ATP6V1H: variants seen among roughly 807,000 people sequenced by gnomAD.
ATP6V1H encodes the protein ATPase H+ transporting V1 subunit H.
In ATP6V1H, 39 loss-of-function variants were observed where a neutral mutation model predicts 71.7. That is an observed-to-expected ratio of 0.54 (90% CI 0.42 to 0.71). The LOEUF is 0.71. Ranked by LOEUF, ATP6V1H falls within the 30% of genes least tolerant of loss-of-function variation. The pLI, the probability that ATP6V1H is intolerant of heterozygous loss-of-function variation, is 0.00. For synonymous variants in ATP6V1H, 192 were observed against 199.3 expected, an observed-to-expected ratio of 0.96 and a Z score of 0.31; for missense variants, 509 against 594.9, an observed-to-expected ratio of 0.86 and a Z score of 1.50.
intron 9 of ATP6V1H, among the ~76,000 whole-genome samples, chr8:53,792,707 G>A (rs904987877): frequency 3.3e-5 from 5 of 152,154 alleles, no homozygotes; most frequent in African/African-American, 7.2e-5. Flanking sequence ...AATTATCTCC[G>A]AGTCTTGGTT....
At chr8:53,725,818 T>C (rs1300401320) in intron 13 of ATP6V1H, among the ~76,000 whole-genome samples, 2 of 152,036 alleles carry the variant, frequency 1.3e-5, no homozygotes, top group African/African-American at 2.4e-5. Context: ...CAGAGTATGA[T>C]GACTTGCTTG....
chr8:53,760,141 T>C (rs896498640), intron 11 of ATP6V1H, among the ~76,000 whole-genome samples: 1 of 152,194 alleles, frequency 6.6e-6, no homozygotes, highest in Non-Finnish European at 1.5e-5. Context: ...TTCCAACAGA[T>C]AGAAAACACC....
chr8:53,802,571 TTA>T (rs1469034424), intron 7 of ATP6V1H, among the ~76,000 whole-genome samples: 4 of 151,858 alleles, frequency 2.6e-5, no homozygotes, highest in African/African-American at 9.7e-5. Context: ...ATACAAAAAA[TTA>T]GCTGGGCCTG....
intron 2 of ATP6V1H, among the ~76,000 whole-genome samples, chr8:53,835,273 G>A (rs1053166033): frequency 3.3e-5 from 5 of 152,218 alleles, no homozygotes; most frequent in Admixed American, 6.5e-5. Flanking sequence ...AGAGCTCCCA[G>A]GAGAAGCCAG....
chr8:53,796,229 G>C (rs1323185523), intron 8 of ATP6V1H, among the ~76,000 whole-genome samples: 1 of 152,172 alleles, frequency 6.6e-6, no homozygotes, highest in Non-Finnish European at 1.5e-5. Flanking sequence ...ACAGAGAAAA[G>C]AAGGGAAGCG....
chr8:53,751,773 G>C (rs188685739), intron 12 of ATP6V1H, among the ~76,000 whole-genome samples: 1 of 151,762 alleles, frequency 6.6e-6, no homozygotes, highest in Non-Finnish European at 1.5e-5. Flanking sequence ...GGGTTCAAGC[G>C]ATTCTCCTGC....
chr8:53,830,780 CCTT>C (rs1810980442), intron 3 of ATP6V1H, among the ~76,000 whole-genome samples: 1 of 152,128 alleles, frequency 6.6e-6, no homozygotes, highest in Non-Finnish European at 1.5e-5. Flanking sequence ...ACTCCTAACT[CCTT>C]AAGGGAAAAG....
rs1054340392 is a variant in ATP6V1H, at chr8:53,784,438, C to T, written c.870+11209G>A. Among the ~76,000 whole-genome samples the T allele has an allele frequency of 1.0e-3, 156 of 152,180 alleles. 1 individual carries two copies. The highest frequency in any genetic ancestry group is 3.2e-3 in the African/African-American group (132 of 41,514). ...TTTTGAGCCTATGTGTGTCTCTGCA[C>T]GTGAGATGGGTTTCCTGAATACAGC... On this transcript the variant is annotated intron_variant, in intron 9 of 13. Coordinates refer to ENST00000359530, the MANE Select transcript of ATP6V1H (RefSeq NM_015941.4).
intron 12 of ATP6V1H, among the ~76,000 whole-genome samples, chr8:53,754,636 C>G (rs1001179798): frequency 6.6e-6 from 1 of 152,192 alleles, no homozygotes; most frequent in Non-Finnish European, 1.5e-5. Context: ...TATGACCACA[C>G]CCCTAAAGCG....
intron 2 of ATP6V1H, among the ~76,000 whole-genome samples, chr8:53,836,317 T>C (rs1473687283): frequency 6.6e-6 from 1 of 152,228 alleles, no homozygotes; most frequent in Non-Finnish European, 1.5e-5. Flanking sequence ...GAAGAAGGTA[T>C]ACCATGAAGG....
intron 7 of ATP6V1H, among the ~76,000 whole-genome samples, chr8:53,807,064 G>A (rs1015730750): frequency 6.6e-6 from 1 of 152,150 alleles, no homozygotes; most frequent in Non-Finnish European, 1.5e-5. Context: ...TTAATAACAG[G>A]CCTGCAGTAT....
intron 13 of ATP6V1H, among the ~76,000 whole-genome samples, chr8:53,727,880 G>A (rs1806870793): frequency 6.6e-6 from 1 of 152,220 alleles, no homozygotes; most frequent in African/African-American, 2.4e-5. Context: ...TCCAGCTGCA[G>A]TTCGGAAGCC....
At chr8:53,795,918 C>G in intron 8 of ATP6V1H, 79 bp from the exon 9 acceptor site, 1 of 1,271,898 alleles carries the variant, frequency 7.9e-7, no homozygotes, top group Non-Finnish European at 1.1e-6. Context: ...TCTTTTTGCA[C>G]TAATGGAACA....
At chr8:53,819,547 C>CATATATATATATATATATAT (rs34645455) in intron 4 of ATP6V1H, among the ~76,000 whole-genome samples, 1 of 35,136 alleles carries the variant, frequency 2.8e-5, no homozygotes, top group Non-Finnish European at 4.7e-5. Context: ...AAAAAAAAAG[C>CATATATATATATATATATAT]ATATATATAT....
intron 13 of ATP6V1H, among the ~76,000 whole-genome samples, chr8:53,733,769 C>T (rs556688654): frequency 6.6e-5 from 10 of 152,274 alleles, no homozygotes; most frequent in African/African-American, 2.2e-4. Flanking sequence ...GAGGCGACCA[C>T]GAACCTTTTG....
intron 1 of ATP6V1H, chr8:53,842,741 C>G (rs965507275): frequency 2.6e-5 from 4 of 152,386 alleles, no homozygotes; most frequent in African/African-American, 9.6e-5. Flanking sequence ...CTACTCGCAC[C>G]CCCAGCGATC....
At chr8:53,833,185 A>T (rs960878036) in intron 2 of ATP6V1H, 99 bp from the exon 3 acceptor site, 2 of 880,212 alleles carry the variant, frequency 2.3e-6, no homozygotes, top group East Asian at 5.1e-5. Context: ...TTGGCAGCAA[A>T]CCACAAGGGC....
chr8:53,763,853 A>G (rs1808360322), intron 11 of ATP6V1H, among the ~76,000 whole-genome samples: 1 of 152,244 alleles, frequency 6.6e-6, no homozygotes, highest in Non-Finnish European at 1.5e-5. Context: ...TGTTGGATCT[A>G]TCAACTGGTA....
intron 13 of ATP6V1H, among the ~76,000 whole-genome samples, chr8:53,731,366 G>A (rs921648066): frequency 2.0e-5 from 3 of 152,190 alleles, no homozygotes; most frequent in Non-Finnish European, 4.4e-5. Context: ...GCAAAAATGA[G>A]ATCAATAGTC....
Sources: allele counts gnomAD v4.1 joint callset (sites outside exome capture counted in the v4.1 genomes callset), GRCh38; gene constraint gnomAD v4.1.1; transcripts MANE v1.5; gene names NCBI Gene and HGNC (gene_info 2026-07-23, HGNC 2026-07-21).